The following ARHGAP5 variants were observed in gnomAD, a reference collection of about 807,000 sequenced individuals.
The protein encoded by ARHGAP5 is rho GTPase-activating protein 5.
Under a neutral mutation model 116.6 loss-of-function variants are expected in ARHGAP5, and 23 were observed. The ratio of observed to expected loss-of-function variants is 0.20; its 90% CI spans 0.14 to 0.28. ARHGAP5 has a LOEUF of 0.28. Ranked by LOEUF, ARHGAP5 falls within the 10% of genes least tolerant of loss-of-function variation. The pLI, the probability that ARHGAP5 is intolerant of heterozygous loss-of-function variation, is 1.00. For missense variants in ARHGAP5, 1,405 were observed against 1,774.8 expected, an observed-to-expected ratio of 0.79 and a Z score of 3.74; for synonymous variants, 574 against 602.0, an observed-to-expected ratio of 0.95 and a Z score of 0.68.
At chr14:32,123,442 A>G (rs1429824357) in intron 3 of ARHGAP5, among the ~76,000 whole-genome samples, 2 of 151,544 alleles carry the variant, frequency 1.3e-5, no homozygotes, top group African/African-American at 4.9e-5. Flanking sequence ...CATTATATTG[A>G]TGTTTTCCTG....
At chr14:32,143,202 AGTTGTTGTTGTT>A (rs140378018) in intron 3 of ARHGAP5, among the ~76,000 whole-genome samples, 24 of 145,438 alleles carry the variant, frequency 1.7e-4, no homozygotes, top group Middle Eastern at 6.9e-3. Context: ...ACATTATTTT[AGTTGTTGTTGTT>A]GTTGTTGTTG....
At chr14:32,081,548 CAAA>C (rs529516365) in intron 1 of ARHGAP5, among the ~76,000 whole-genome samples, 2 of 48,884 alleles carry the variant, frequency 4.1e-5, no homozygotes, top group African/African-American at 6.7e-5. Context: ...GACTCCTTCT[CAAA>C]AAAAAAAAAA....
rs1878377572 is a variant in ARHGAP5 at position 32,093,661 on chromosome 14, G to A, written c.2992G>A (p.Val998Ile). ...TCCTTATAGTCCAATTGGGGATGAT[G>A]TACAGTTGCTTCCAACACCTAGTGA... ...PPPYSPIGDDVQLLPTPSDRS... is the reference protein window; with the variant it reads ...PPPYSPIGDDIQLLPTPSDRS... Residue 998 changes from valine (V) to isoleucine (I), a missense_variant, in exon 2 of 7, where the codon GTA becomes ATA. By Grantham distance (29) the Val-to-Ile change is conservative (BLOSUM62 3). This residue lies in a region of ARHGAP5 where 944 missense variants were observed against 1,095.3 expected (regional missense o/e 0.86). Transcript: ENST00000345122. The A allele has an allele frequency of 1.2e-6, 2 of 1,613,912 alleles. No homozygotes were observed. Among genetic ancestry groups the A allele is most frequent in the African/African-American group, 1.3e-5 (1 of 75,006 alleles).
In ARHGAP5 at chr14:32,091,604, C is replaced by G; in HGVS notation, c.935C>G (p.Thr312Arg). ...DYEEYINLEG[T>R]RKARNTFSKH... ...GAAGAATACATCAACTTAGAGGGAA[C>G]AAGAAAGGCCAGAAATACATTCTCA... Residue 312 changes from threonine (T) to arginine (R), a missense_variant, in exon 2 of 7, where the codon ACA (threonine) becomes AGA (arginine). Thr to Arg is a moderately conservative substitution (Grantham distance 71). Coordinates refer to ENST00000345122, the MANE Select transcript of ARHGAP5 (RefSeq NM_001030055.2). The G allele has an allele frequency of 1.2e-6, 2 of 1,611,986 alleles. No individual in the cohort carries two copies. The highest frequency in any genetic ancestry group is 1.7e-6 in the Non-Finnish European group (2 of 1,178,926).
chr14:32,154,759 A>T lies in ARHGAP5; in HGVS notation c.4320A>T (p.Thr1440=), dbSNP rs752712992. 3.1e-6 allele frequency: 5 copies of T among 1,614,186 alleles called. No individual in the cohort carries two copies. In the South Asian group the frequency reaches 5.5e-5, roughly 18 times the overall value. The stretch of plus-strand genomic sequence containing the variant: ...AGATTCATCAATCTGTTGTTGAAAC[A>T]TTCATTCAGCAGTGTCAGTTTTTCT... ...TTKIHQSVVE[T]FIQQCQFFFY... Residue 1440 remains threonine (T), a synonymous_variant, in exon 7 of 7, where the codon ACA becomes ACT. Coordinates refer to ENST00000345122, the MANE Select transcript of ARHGAP5 (RefSeq NM_001030055.2).
chr14:32,129,162 G>C (rs111435654), intron 3 of ARHGAP5, among the ~76,000 whole-genome samples: 9 of 152,304 alleles, frequency 5.9e-5, no homozygotes, highest in African/African-American at 2.2e-4. Context: ...GGTTAGGTTA[G>C]ATAGAATCTG....
intron 3 of ARHGAP5, among the ~76,000 whole-genome samples, chr14:32,146,031 C>T (rs1397779235): frequency 6.6e-6 from 1 of 151,966 alleles, no homozygotes; most frequent in African/African-American, 2.4e-5. Flanking sequence ...GCCTCAGCCT[C>T]CTGAGTAGCT....
rs764517581 is a variant in ARHGAP5 at position 32,077,351 on chromosome 14, GAGCGGTCCCC to G, written c.-250_-241del. On this transcript the variant is annotated 5_prime_UTR_variant, in exon 1 of 7. Coordinates refer to ENST00000345122, the MANE Select transcript of ARHGAP5 (RefSeq NM_001030055.2). ...GTGGAGGAGGAGGCGGCGGCGGCGG[GAGCGGTCCCC>G]AGGAATGTCGCTGCCGCCGCCACCG... is the stretch of plus-strand genomic sequence containing the variant. 8.6e-6 allele frequency: 6 copies of G among 697,160 alleles called. No homozygotes were observed. In the South Asian group the frequency reaches 8.9e-5, roughly 10 times the overall value. The allele number at this position is 697,160 out of a possible 1,614,324, so 43.2% of individuals were successfully genotyped here. A position where few individuals can be genotyped will look rare whatever the true frequency, so the allele number is the denominator to read the frequency against.
intron 1 of ARHGAP5, among the ~76,000 whole-genome samples, chr14:32,085,784 A>G (rs1284037227): frequency 6.6e-6 from 1 of 152,194 alleles, no homozygotes; most frequent in African/African-American, 2.4e-5. Flanking sequence ...TAAAGTCTTT[A>G]AACAGCCAAA....
chr14:32,139,847 TC>T (rs935036477), intron 3 of ARHGAP5, among the ~76,000 whole-genome samples: 3 of 151,126 alleles, frequency 2.0e-5, no homozygotes, highest in African/African-American at 2.4e-5. Flanking sequence ...TTTGGCTGCA[TC>T]CCATAGGTTT....
chr14:32,118,724 A>ATAT (rs1421254057), intron 3 of ARHGAP5, among the ~76,000 whole-genome samples: 2 of 152,198 alleles, frequency 1.3e-5, no homozygotes, highest in Non-Finnish European at 2.9e-5. Flanking sequence ...TGTTCTTAAA[A>ATAT]TATTAGCTTC....
chr14:32,152,586 T>C, intron 6 of ARHGAP5, 58 bp downstream of exon 6: 1 of 908,928 alleles, frequency 1.1e-6, no homozygotes, highest in Non-Finnish European at 1.7e-6. Context: ...ATTTCAAACA[T>C]GTAAATTTTA....
At chr14:32,098,496 A>C (rs1030943184) in intron 2 of ARHGAP5, among the ~76,000 whole-genome samples, 4 of 152,240 alleles carry the variant, frequency 2.6e-5, no homozygotes, top group African/African-American at 9.6e-5. Flanking sequence ...TGCTGAATAC[A>C]TAGGATGTAC....
At chr14:32,134,282 A>C (rs182121643) in intron 3 of ARHGAP5, among the ~76,000 whole-genome samples, 8 of 152,320 alleles carry the variant, frequency 5.3e-5, no homozygotes, top group African/African-American at 1.7e-4. Flanking sequence ...GAAAGTAGTG[A>C]CACATTTTAG....
chr14:32,091,997 T>C lies in ARHGAP5; in HGVS notation c.1328T>C (p.Phe443Ser). The C allele has an allele frequency of 1.2e-6, 2 of 1,613,650 alleles. No homozygotes were observed. Among genetic ancestry groups the C allele is most frequent in the Non-Finnish European group, 1.7e-6 (2 of 1,179,698 alleles). Residue 443 changes from phenylalanine (F) to serine (S), a missense_variant, in exon 2 of 7, where the codon TTC becomes TCC. Phe to Ser is a radical substitution (Grantham distance 155). Around this residue, in one of 6 missense-constraint regions of ARHGAP5, gnomAD observed 944 missense variants for 1,095.3 expected, o/e 0.86. Transcript: ENST00000345122. ...AAAAAGACTTTGGAAAAAATTCAAT[T>C]CATTTCACCAGGGCAGCCATGGGAG... ...KFKKTLEKIQ[F>S]ISPGQPWEEV...
At chr14:32,136,207 G>A (rs1011462012) in intron 3 of ARHGAP5, among the ~76,000 whole-genome samples, 1 of 152,070 alleles carries the variant, frequency 6.6e-6, no homozygotes, top group Non-Finnish European at 1.5e-5. Context: ...TCACAATGTT[G>A]TGCAACCATC....
At chr14:32,081,303 A>G (rs1315180363) in intron 1 of ARHGAP5, among the ~76,000 whole-genome samples, 2 of 152,234 alleles carry the variant, frequency 1.3e-5, no homozygotes, top group African/African-American at 4.8e-5. Flanking sequence ...ATTACTTGGA[A>G]GTAGCATACA....
chr14:32,127,776 A>G (rs1006761014), intron 3 of ARHGAP5, among the ~76,000 whole-genome samples: 38 of 144,792 alleles, frequency 2.6e-4, no homozygotes, highest in African/African-American at 8.9e-4. Flanking sequence ...CCCACCCCCG[A>G]GACAGGGCGG....
chr14:32,116,961 T>G (rs1320672585), intron 2 of ARHGAP5, among the ~76,000 whole-genome samples, 179 bp from the exon 3 acceptor site: 2 of 152,222 alleles, frequency 1.3e-5, no homozygotes, highest in Non-Finnish European at 2.9e-5. Flanking sequence ...TGTTCACTTA[T>G]GTCTCCAATC....
Sources: allele counts gnomAD v4.1 joint callset (sites outside exome capture counted in the v4.1 genomes callset), GRCh38; gene constraint gnomAD v4.1.1; regional missense constraint gnomAD v4.1.1; transcripts MANE v1.5; gene names NCBI Gene and HGNC (gene_info 2026-07-23, HGNC 2026-07-21).